Variants in ACTN2 observed in about 807,000 individuals in gnomAD.
The protein encoded by ACTN2 is actinin alpha 2.
In ACTN2, 39 loss-of-function variants were observed where a neutral mutation model predicts 113.8. That is an observed-to-expected ratio of 0.34 (90% CI 0.27 to 0.45). ACTN2 has a LOEUF of 0.45. Ranked by LOEUF, ACTN2 falls within the 20% of genes least tolerant of loss-of-function variation. ACTN2 has a pLI of 1.00. For synonymous variants in ACTN2, 429 were observed against 444.1 expected, an observed-to-expected ratio of 0.97 and a Z score of 0.43; for missense variants, 992 against 1,177.9, an observed-to-expected ratio of 0.84 and a Z score of 2.31.
At chr1:236,760,504 A>G (rs954235243) in intron 19 of ACTN2, among the ~76,000 whole-genome samples, 2 of 152,226 alleles carry the variant, frequency 1.3e-5, no homozygotes, top group Admixed American at 6.5e-5. Context: ...ATCAGCCAAG[A>G]TAAACTTACA....
intron 3 of ACTN2, among the ~76,000 whole-genome samples, chr1:236,719,441 C>T (rs1214123235): frequency 6.6e-6 from 1 of 152,152 alleles, no homozygotes; most frequent in Non-Finnish European, 1.5e-5. Flanking sequence ...CTGCGGAATG[C>T]CGTAAGAAGG....
intron 1 of ACTN2, among the ~76,000 whole-genome samples, chr1:236,716,023 A>T (rs1285933489): frequency 2.0e-5 from 3 of 152,108 alleles, no homozygotes; most frequent in Non-Finnish European, 4.4e-5. Context: ...GACCTGACTA[A>T]AGCTTAGACA....
At position 236,758,722 on chromosome 1, in the gene ACTN2, C is replaced by T. The variant is rs543170988; in HGVS notation, c.2302-1002C>T. Among the ~76,000 whole-genome samples the T allele has an allele frequency of 4.9e-3, 738 of 151,952 alleles. 3 individuals are homozygous for T. Among genetic ancestry groups the T allele is most frequent in the African/African-American group, 0.014 (564 of 41,428 alleles). On this transcript the variant is annotated intron_variant, in intron 18 of 20. Transcript: ENST00000366578. ...GCAACCTCCACCTCCCAGGTTCAAG[C>T]GATTATCCTGCCTCAGCCTCCCAAG...
chr1:236,753,784 ACTC>A (rs1319559687), intron 15 of ACTN2, 160 bp from the exon 16 acceptor site: 12 of 812,920 alleles, frequency 1.5e-5, no homozygotes, highest in Non-Finnish European at 2.3e-5. Context: ...TAGACTAGGG[ACTC>A]CTCCTCCCTA....
At chr1:236,723,446 A>G (rs1275034601) in intron 4 of ACTN2, among the ~76,000 whole-genome samples, 1 of 152,054 alleles carries the variant, frequency 6.6e-6, no homozygotes, top group Non-Finnish European at 1.5e-5. Context: ...TAAAATGGAC[A>G]GTTTTTTGTT....
chr1:236,705,323 A>G (rs567821540), intron 1 of ACTN2, among the ~76,000 whole-genome samples: 1 of 152,348 alleles, frequency 6.6e-6, no homozygotes, highest in South Asian at 2.1e-4. Context: ...AAGTATTAAA[A>G]TACAATTCTC....
At chr1:236,757,669 G>A in intron 18 of ACTN2, 37 bp downstream of exon 18, 1 of 1,612,808 alleles carries the variant, frequency 6.2e-7, no homozygotes, top group Non-Finnish European at 8.5e-7. Flanking sequence ...CAATACTGGG[G>A]ACATTAAACA....
chr1:236,721,015 G>GGTTTTTGTTTTTTTTTTTTTTTTTTTT, intron 4 of ACTN2, among the ~76,000 whole-genome samples: 3 of 49,138 alleles, frequency 6.1e-5, no homozygotes, highest in African/African-American at 1.0e-4. Context: ...TCTGGTTTTT[G>GGTTTTTGTTTTTTTTTTTTTTTTTTTT]TTTTTTGTTT....
At position 236,747,753 on chromosome 1, in the gene ACTN2, A is replaced by G. The variant is rs1408412558; in HGVS notation, c.1493A>G (p.Gln498Arg). ...DQWDRLGTLT[Q>R]KRREALERME... ...TGGGACCGACTGGGAACGCTTACTCAGAAGAGGAGAGAAGCCCTAGAGGTG... is the reference window on the plus strand; with the variant it reads ...TGGGACCGACTGGGAACGCTTACTCGGAAGAGGAGAGAAGCCCTAGAGGTG... The change falls in exon 13 of 21, where the codon CAG (glutamine) becomes CGG (arginine). Residue 498 changes from glutamine to arginine, a missense_variant. Coordinates refer to ENST00000366578, the MANE Select transcript of ACTN2 (RefSeq NM_001103.4). 2 of 1,613,894 alleles carry G rather than the reference A, an allele frequency of 1.2e-6. No individual in the cohort carries two copies. Among genetic ancestry groups the G allele is most frequent in the East Asian group, 2.2e-5 (1 of 44,888 alleles).
rs753022801 is a variant in ACTN2 at position 236,762,447 on chromosome 1, G to T, written c.2527-14G>T. 1.8e-5 allele frequency: 29 copies of T among 1,613,884 alleles called. No homozygotes were observed. In the Admixed American group the frequency reaches 4.8e-4, roughly 27 times the overall value. On this transcript the variant is annotated splice_polypyrimidine_tract_variant and intron_variant, in intron 20 of 20. Transcript: ENST00000366578. Reference sequence around the variant, plus strand: ...TCTGCAACTGACTGCAAACACGTGTGTATTTTTTCCCAGCCATACATCCTG... The same window carrying T: ...TCTGCAACTGACTGCAAACACGTGTTTATTTTTTCCCAGCCATACATCCTG...
intron 10 of ACTN2, among the ~76,000 whole-genome samples, chr1:236,741,780 T>A (rs1659075782): frequency 6.6e-6 from 1 of 152,230 alleles, no homozygotes; most frequent in East Asian, 1.9e-4. Context: ...CCCGCCTACA[T>A]CAGCCTCTGT....
chr1:236,723,690 C>T (rs1349639340), intron 4 of ACTN2, among the ~76,000 whole-genome samples: 1 of 152,092 alleles, frequency 6.6e-6, no homozygotes, highest in Admixed American at 6.6e-5. Context: ...CTCCTGACCT[C>T]AGGTAATCCA....
At chr1:236,745,172 C>A (rs61593215) in intron 12 of ACTN2, among the ~76,000 whole-genome samples, 2 of 152,104 alleles carry the variant, frequency 1.3e-5, no homozygotes, top group African/African-American at 4.8e-5. Context: ...CGGTGGCTCA[C>A]GCCTGTAATC....
At position 236,749,297 on chromosome 1, in the gene ACTN2, A is replaced by G. The variant is rs2297955; in HGVS notation, c.1656+33A>G. ...AACCGCAACTCTGTATGCCCTATGC[A>G]TTAGAAGTGAGTTGTCATTTAAACT... On this transcript the variant is annotated intron_variant, in intron 14 of 20. Coordinates refer to ENST00000366578, the MANE Select transcript of ACTN2 (RefSeq NM_001103.4). The G allele has an allele frequency of 0.11, 183,872 of 1,612,904 alleles. 12,253 individuals are homozygous for G. The highest frequency in any genetic ancestry group is 0.24 in the East Asian group (10,638 of 44,844).
chr1:236,758,624 T>TTGTTTTGTTTTGTTC (rs1553304872), intron 18 of ACTN2, among the ~76,000 whole-genome samples: 11 of 150,240 alleles, frequency 7.3e-5, no homozygotes, highest in African/African-American at 2.7e-4. Context: ...TTGTTTTGTT[T>TTGTTTTGTTTTGTTC]TGTTCTGTTT....
intron 17 of ACTN2, 44 bp from the exon 18 acceptor site, chr1:236,757,442 G>A: frequency 1.2e-6 from 2 of 1,613,224 alleles, no homozygotes; most frequent in Non-Finnish European, 1.7e-6. Context: ...GAGTTGACAT[G>A]CTGGAGAGAC....
chr1:236,707,304 T>C (rs1023706721), intron 1 of ACTN2, among the ~76,000 whole-genome samples: 20 of 152,264 alleles, frequency 1.3e-4, no homozygotes, highest in African/African-American at 4.3e-4. Flanking sequence ...TCTGGATTCT[T>C]AGATCAGAGA....
rs541466094 is a variant in ACTN2, at chr1:236,735,451, C to G, written c.698-184C>G. Among the ~76,000 whole-genome samples the G allele has an allele frequency of 2.6e-5, 4 of 152,316 alleles. No individual in the cohort carries two copies. In the South Asian group the frequency reaches 6.2e-4, roughly 24 times the overall value. ...ACATGCTGGCTCAAACCATCCTGTT[C>G]ACGAATCATTTCGATACAATATGGC... is the stretch of plus-strand genomic sequence containing the variant. On this transcript the variant is annotated intron_variant, in intron 7 of 20. Transcript: ENST00000366578.
intron 7 of ACTN2, among the ~76,000 whole-genome samples, chr1:236,732,425 CTTTT>C (rs140816842): frequency 2.2e-4 from 32 of 145,688 alleles, no homozygotes; most frequent in Admixed American, 2.1e-3. Context: ...TTTTCTTTTT[CTTTT>C]TATTTTTTAT....
Sources: gnomAD v4.1 joint callset for allele counts (sites outside exome capture counted in the v4.1 genomes callset) on GRCh38, gnomAD v4.1.1 for gene constraint, MANE v1.5 for transcripts, NCBI Gene and HGNC (gene_info 2026-07-23, HGNC 2026-07-21) for gene names.